The following SPRYD7 variants were observed in gnomAD, a reference collection of about 807,000 sequenced individuals.
The protein encoded by SPRYD7 is SPRY domain containing 7.
A neutral mutation model predicts 23.8 loss-of-function variants in SPRYD7; 14 were observed. The ratio of observed to expected loss-of-function variants is 0.59; its 90% CI spans 0.39 to 0.92. The LOEUF (loss-of-function observed/expected upper bound fraction) is 0.92, where lower values mean the gene tolerates loss of function less well. Among genes scored for constraint, SPRYD7 ranks in the 40% least tolerant of loss-of-function variants. The pLI is 0.00. For synonymous variants in SPRYD7, 75 were observed against 84.9 expected (o/e 0.88, Z 0.64); for missense variants, 194 against 241.7 (o/e 0.80, Z 1.31).
rs187181178 is a variant in SPRYD7, at chr13:49,920,601, G to A, written c.493+877C>T. The stretch of plus-strand genomic sequence containing the variant: ...TAGCAAGTTTATTTTAATACATGGG[G>A]AACAGAAACTATCCTTAATCCTGCA... On this transcript the variant is annotated intron_variant, in intron 4 of 4. Coordinates refer to ENST00000361840, the MANE Select transcript of SPRYD7 (RefSeq NM_020456.4). Among the ~76,000 whole-genome samples the A allele has an allele frequency of 1.2e-4, 18 of 152,206 alleles. No individual in the cohort carries two copies. The East Asian group carries it at 3.5e-3, about 29-fold the overall frequency.
intron 4 of SPRYD7, among the ~76,000 whole-genome samples, chr13:49,919,799 T>C (rs1266924275): frequency 3.3e-5 from 5 of 150,098 alleles, no homozygotes; most frequent in Non-Finnish European, 7.4e-5. Context: ...ATTGTGGTTA[T>C]GTTTTTCTAA....
rs1375104629 is a variant in SPRYD7, at chr13:49,912,796, T to C, written c.*2267A>G. 3.9e-5 allele frequency: 6 copies of C among 152,204 alleles called. No individual in the cohort carries two copies. The highest frequency in any genetic ancestry group is 3.9e-4 in the Admixed American group (6 of 15,282). 9.4% of individuals were successfully genotyped at this position (152,204 alleles called of 1,614,324 possible). A position where few individuals can be genotyped will look rare whatever the true frequency, so the allele number is the denominator to read the frequency against. ...ATGATAGAAAGCCAGACAAAATGCA[T>C]AATACATACATAGTTAAATTTCATA... On this transcript the variant is annotated 3_prime_UTR_variant, in exon 5 of 5. Coordinates refer to ENST00000361840, the MANE Select transcript of SPRYD7 (RefSeq NM_020456.4).
intron 1 of SPRYD7, among the ~76,000 whole-genome samples, chr13:49,934,369 A>G (rs1871515096): frequency 6.6e-6 from 1 of 152,040 alleles, no homozygotes; most frequent in Non-Finnish European, 1.5e-5. Flanking sequence ...AGCCTGACCA[A>G]CATGGTGAAA....
At chr13:49,923,698 G>A (rs998016317) in intron 3 of SPRYD7, among the ~76,000 whole-genome samples, 1 of 152,060 alleles carries the variant, frequency 6.6e-6, no homozygotes, top group Non-Finnish European at 1.5e-5. Flanking sequence ...TGTCGCCCAG[G>A]CTGGAGCGCA....
chr13:49,929,258 T>C (rs1955919329), intron 2 of SPRYD7, among the ~76,000 whole-genome samples: 1 of 152,098 alleles, frequency 6.6e-6, no homozygotes. Context: ...TGCACTGAGC[T>C]ATAATCATGC....
chr13:49,921,391 T>C, intron 4 of SPRYD7, 87 bp downstream of exon 4: 1 of 841,570 alleles, frequency 1.2e-6, no homozygotes, highest in Non-Finnish European at 2.0e-6. Flanking sequence ...CTTGGGTATG[T>C]CTTTATAGCA....
intron 4 of SPRYD7, among the ~76,000 whole-genome samples, chr13:49,918,398 T>C (rs1955775804): frequency 7.8e-6 from 1 of 128,374 alleles, no homozygotes; most frequent in African/African-American, 2.9e-5. Context: ...GTAATTAAAT[T>C]AGTTCTTTTT....
At chr13:49,919,836 T>A (rs1482639757) in intron 4 of SPRYD7, among the ~76,000 whole-genome samples, 1 of 151,814 alleles carries the variant, frequency 6.6e-6, no homozygotes, top group East Asian at 1.9e-4. Flanking sequence ...AGACCTTTTT[T>A]TCGAGATACA....
intron 3 of SPRYD7, among the ~76,000 whole-genome samples, chr13:49,923,765 A>T (rs900293876): frequency 2.0e-5 from 3 of 151,988 alleles, no homozygotes; most frequent in South Asian, 2.1e-4. Context: ...AAGTGCAGGG[A>T]TTACAGGCAT....
intron 1 of SPRYD7, 67 bp downstream of exon 1, chr13:49,936,063 A>C (rs9670083): frequency 0.15 from 169,252 of 1,095,244 alleles, 14,429 homozygotes; most frequent in African/African-American, 0.28. Context: ...TCTGACCCTG[A>C]AGGTCCCCCT....
At chr13:49,929,813 G>A (rs186729432) in intron 2 of SPRYD7, among the ~76,000 whole-genome samples, 40 of 136,954 alleles carry the variant, frequency 2.9e-4, no homozygotes, top group East Asian at 2.4e-3. Flanking sequence ...TTTTTGAGAC[G>A]GAGTCTCACT....
At chr13:49,931,305 G>A (rs1252857100) in intron 1 of SPRYD7, among the ~76,000 whole-genome samples, 171 bp from the exon 2 acceptor site, 2 of 151,924 alleles carry the variant, frequency 1.3e-5, no homozygotes, top group East Asian at 1.9e-4. Flanking sequence ...TCAGCCTCCC[G>A]AGTAGCTGGG....
At position 49,921,590 on chromosome 13, in the gene SPRYD7, A is replaced by T. The variant is rs1213934094; in HGVS notation, c.391-10T>A. 6.6e-7 allele frequency: 1 copy of T among 1,518,842 alleles called. No individual in the cohort carries two copies. Among genetic ancestry groups the T allele is most frequent in the African/African-American group, 1.4e-5 (1 of 72,990 alleles). 94.1% of individuals were successfully genotyped at this position (1,518,842 alleles called of 1,614,324 possible). ...GGTCATAAGTAATACCCTAGGAAGG[A>T]AAAAACAGAAACGTTCCATAAAAGC... On this transcript the variant is annotated splice_polypyrimidine_tract_variant and intron_variant, in intron 3 of 4. Transcript: ENST00000361840.
chr13:49,925,977 AT>A (rs1325571124), intron 3 of SPRYD7, among the ~76,000 whole-genome samples: 1 of 152,180 alleles, frequency 6.6e-6, no homozygotes, highest in Non-Finnish European at 1.5e-5. Context: ...TCCTCAGAGA[AT>A]GGTACATGAC....
chr13:49,918,839 C>T (rs1388822566), intron 4 of SPRYD7, among the ~76,000 whole-genome samples: 2 of 151,854 alleles, frequency 1.3e-5, no homozygotes, highest in African/African-American at 2.4e-5. Context: ...CTCAGCCTCC[C>T]ATGTAACTGG....
At chr13:49,917,940 T>G (rs1261552567) in intron 4 of SPRYD7, among the ~76,000 whole-genome samples, 1 of 152,226 alleles carries the variant, frequency 6.6e-6, no homozygotes, top group Non-Finnish European at 1.5e-5. Flanking sequence ...AATGAAAACC[T>G]TAAACTAAAA....
intron 3 of SPRYD7, among the ~76,000 whole-genome samples, chr13:49,922,237 GA>G (rs952625501): frequency 5.3e-5 from 8 of 150,108 alleles, no homozygotes; most frequent in African/African-American, 7.3e-5. Flanking sequence ...ACTATTGATG[GA>G]AAAAAATCAC....
rs1346128167 is a variant in SPRYD7, at chr13:49,921,573, G to C, written c.398C>G (p.Thr133Ser). 2 of 1,598,262 alleles carry C rather than the reference G, an allele frequency of 1.3e-6. No individual in the cohort carries two copies. The highest frequency in any genetic ancestry group is 1.7e-6 in the Non-Finnish European group (2 of 1,165,890). The change falls in exon 4 of 5, where the codon ACT becomes AGT. Residue 133 changes from threonine (T) to serine (S), a missense_variant. By Grantham distance (58) the Thr-to-Ser change is moderately conservative. Transcript: ENST00000361840. ...LPQEGDVVGI[T>S]YDHVELNVYL... ...TACATTTAATTCGACATGGTCATAA[G>C]TAATACCCTAGGAAGGAAAAAACAG... is the stretch of plus-strand genomic sequence containing the variant.
intron 4 of SPRYD7, among the ~76,000 whole-genome samples, chr13:49,916,069 A>T (rs1292812179): frequency 6.6e-6 from 1 of 152,138 alleles, no homozygotes; most frequent in Non-Finnish European, 1.5e-5. Flanking sequence ...AGGATATAAG[A>T]GGCAGAAGGA....
Sources: allele counts gnomAD v4.1 joint callset (sites outside exome capture counted in the v4.1 genomes callset), GRCh38; gene constraint gnomAD v4.1.1; transcripts MANE v1.5; gene names NCBI Gene and HGNC (gene_info 2026-07-23, HGNC 2026-07-21).